ACER1: variants seen among roughly 807,000 people sequenced by gnomAD.
ACER1 encodes the protein CTB-180A7.3.
Under a neutral mutation model 24.9 loss-of-function variants are expected in ACER1, and 28 were observed. The ratio of observed to expected loss-of-function variants is 1.13; its 90% CI spans 0.83 to 1.54. The LOEUF (loss-of-function observed/expected upper bound fraction) is 1.54, where lower values mean the gene tolerates loss of function less well. ACER1 is among the 40% of genes most tolerant of loss of function. ACER1 has a pLI of 0.00. For missense variants in ACER1, 352 were observed against 349.3 expected, an observed-to-expected ratio of 1.01 and a Z score of -0.06; for synonymous variants, 132 against 131.4, an observed-to-expected ratio of 1.00 and a Z score of -0.03.
intron 1 of ACER1, among the ~76,000 whole-genome samples, chr19:6,313,933 ATTC>A (rs1432148695): frequency 1.3e-5 from 2 of 152,068 alleles, no homozygotes; most frequent in African/African-American, 4.8e-5. Flanking sequence ...CAGTGGTTCA[ATTC>A]TTCCCTATAC....
chr19:6,339,148 A>G, the ACER1 span, among the ~76,000 whole-genome samples: 1 of 152,106 alleles, frequency 6.6e-6, no homozygotes, highest in Non-Finnish European at 1.5e-5. Flanking sequence ...AAGTGCTGAG[A>G]TTACAGGCAT....
At chr19:6,333,252 A>T (rs2091697388) in intron 1 of ACER1, among the ~76,000 whole-genome samples, 1 of 152,118 alleles carries the variant, frequency 6.6e-6, no homozygotes, top group African/African-American at 2.4e-5. Context: ...CTGGCCACCA[A>T]TGTGTCTCCA....
intron 1 of ACER1, among the ~76,000 whole-genome samples, chr19:6,328,154 G>C (rs924838122): frequency 6.6e-6 from 1 of 151,592 alleles, no homozygotes; most frequent in Non-Finnish European, 1.5e-5. Context: ...CAGCTACAGT[G>C]GCATAGTTGC....
chr19:6,349,039 G>T, the ACER1 span, among the ~76,000 whole-genome samples: 1 of 151,192 alleles, frequency 6.6e-6, no homozygotes, highest in East Asian at 1.9e-4. Context: ...CTGGGCAACA[G>T]AGCGAGACTC....
Position 6,333,408 on chromosome 19 carries a change from G to A in ACER1, c.93+51C>T, listed in dbSNP as rs542676809. On this transcript the variant is annotated intron_variant, in intron 1 of 5. Transcript: ENST00000301452. ...CAGTAAGGCTGTATGGGGAGGAACC[G>A]GGATTCGAACCGGCATCTGGCGAGA... The A allele has an allele frequency of 2.3e-5, 34 of 1,458,186 alleles. No homozygotes were observed. In the East Asian group the frequency reaches 2.6e-4, roughly 11 times the overall value. The allele number at this position is 1,458,186 out of a possible 1,614,324, so 90.3% of individuals were successfully genotyped here. A position where few individuals can be genotyped will look rare whatever the true frequency, so the allele number is the denominator to read the frequency against.
intron 1 of ACER1, among the ~76,000 whole-genome samples, chr19:6,318,708 C>G (rs6510892): frequency 1.4e-4 from 1 of 6,966 alleles, no homozygotes; most frequent in Non-Finnish European, 2.8e-4. Context: ...ATGGCGTGAA[C>G]CCGGGAGGCG....
chr19:6,320,818 A>C (rs976875828), intron 1 of ACER1, among the ~76,000 whole-genome samples: 11 of 152,088 alleles, frequency 7.2e-5, no homozygotes, highest in Non-Finnish European at 1.2e-4. Context: ...AATTGTACCT[A>C]CTTCATAGGA....
the ACER1 span, among the ~76,000 whole-genome samples, chr19:6,350,301 A>T: frequency 0.026 from 3,933 of 152,240 alleles, 63 homozygotes; most frequent in Non-Finnish European, 0.04. Flanking sequence ...CCCCGTCTCA[A>T]CTAAAAATAT....
intron 1 of ACER1, among the ~76,000 whole-genome samples, chr19:6,315,821 A>C (rs2145002993): frequency 6.6e-6 from 1 of 152,300 alleles, no homozygotes; most frequent in Middle Eastern, 3.4e-3. Context: ...GGCCTGGAAT[A>C]CTATTTAGCC....
intron 3 of ACER1, among the ~76,000 whole-genome samples, chr19:6,310,876 TAAAA>T (rs5826928): frequency 1.6e-5 from 2 of 122,098 alleles, no homozygotes; most frequent in African/African-American, 2.9e-5. Context: ...AGACTTCATC[TAAAA>T]AAAAAAAAAA....
At chr19:6,338,963 C>T in the ACER1 span, among the ~76,000 whole-genome samples, 25 of 151,366 alleles carry the variant, frequency 1.7e-4, no homozygotes, top group Admixed American at 1.5e-3. Context: ...CTGCAACCTC[C>T]GCCTCCTGGG....
intron 3 of ACER1, among the ~76,000 whole-genome samples, chr19:6,310,997 C>T (rs748109644): frequency 1.1e-4 from 17 of 151,686 alleles, no homozygotes; most frequent in Non-Finnish European, 7.4e-5. Flanking sequence ...AAGGGGGATC[C>T]CAGGGAGGAC....
At chr19:6,355,286 C>T in the ACER1 span, among the ~76,000 whole-genome samples, 2 of 151,080 alleles carry the variant, frequency 1.3e-5, no homozygotes, top group Non-Finnish European at 2.9e-5. Flanking sequence ...GGCCGCCCAT[C>T]GTCTGGGACG....
the ACER1 span, among the ~76,000 whole-genome samples, chr19:6,357,530 G>C: frequency 2.6e-5 from 4 of 152,034 alleles, no homozygotes; most frequent in Non-Finnish European, 5.9e-5. Context: ...TGAGGACTTT[G>C]GGAGGCTGAC....
At chr19:6,328,496 C>CAAAAAAAA (rs1013111916) in intron 1 of ACER1, among the ~76,000 whole-genome samples, 2 of 41,228 alleles carry the variant, frequency 4.9e-5, no homozygotes, top group Non-Finnish European at 5.7e-5. Context: ...GACTCCATCT[C>CAAAAAAAA]AAAAAAAAAA....
At chr19:6,309,600 A>T in intron 4 of ACER1, 97 bp downstream of exon 4, 2 of 1,496,092 alleles carry the variant, frequency 1.3e-6, no homozygotes, top group Non-Finnish European at 1.8e-6. Flanking sequence ...TTAGTGGGTG[A>T]TCTTGGAGAA....
the ACER1 span, chr19:6,360,130 T>TTTCC: frequency 6.6e-6 from 1 of 152,086 alleles, no homozygotes; most frequent in Non-Finnish European, 1.5e-5. Flanking sequence ...GCTAACAAAC[T>TTTCC]CCTACTTATC....
chr19:6,352,671 G>A, the ACER1 span, among the ~76,000 whole-genome samples: 4 of 152,204 alleles, frequency 2.6e-5, no homozygotes, highest in Admixed American at 1.3e-4. Context: ...GCACACCTTT[G>A]ATCATTTCCT....
chr19:6,356,401 C>T, the ACER1 span, among the ~76,000 whole-genome samples: 1 of 149,648 alleles, frequency 6.7e-6, no homozygotes. Flanking sequence ...TCTGCTGACC[C>T]TCCCTCCACT....
Sources: gnomAD v4.1 joint callset for allele counts (sites outside exome capture counted in the v4.1 genomes callset) on GRCh38, gnomAD v4.1.1 for gene constraint, MANE v1.5 for transcripts, NCBI Gene and HGNC (gene_info 2026-07-23, HGNC 2026-07-21) for gene names.